PLPPR1: variants seen among roughly 807,000 people sequenced by gnomAD.
PLPPR1 encodes the protein phospholipid phosphatase related 1.
Under a neutral mutation model 33.1 loss-of-function variants are expected in PLPPR1, and 10 were observed. The ratio of observed to expected loss-of-function variants is 0.30; its 90% CI spans 0.19 to 0.51. The LOEUF (loss-of-function observed/expected upper bound fraction) is 0.51, where lower values mean the gene tolerates loss of function less well. PLPPR1 is among the 20% of genes least tolerant of loss of function. The pLI, the probability that PLPPR1 is intolerant of heterozygous loss-of-function variation, is 0.97. For missense variants in PLPPR1, 304 were observed against 408.1 expected (o/e 0.74, Z 2.20); for synonymous variants, 151 against 151.0 (o/e 1.00, Z 0.00).
chr9:101,030,791 T>G (rs1016274441), intron 1 of PLPPR1, among the ~76,000 whole-genome samples: 10 of 151,992 alleles, frequency 6.6e-5, no homozygotes, highest in African/African-American at 2.4e-4. Flanking sequence ...CTCTGCTGCT[T>G]GGGATGGGGA....
intron 1 of PLPPR1, among the ~76,000 whole-genome samples, chr9:101,091,250 CCCT>C (rs1830738006): frequency 6.6e-6 from 1 of 151,984 alleles, no homozygotes; most frequent in African/African-American, 2.4e-5. Flanking sequence ...CATCCTCAAT[CCCT>C]CCTCTCTCTC....
At chr9:101,217,550 C>T (rs1178489395) in intron 2 of PLPPR1, among the ~76,000 whole-genome samples, 6 of 152,170 alleles carry the variant, frequency 3.9e-5, no homozygotes, top group Non-Finnish European at 8.8e-5. Flanking sequence ...TATATAGTCA[C>T]TTCTACCTGT....
chr9:101,139,528 T>G (rs2118628750), intron 1 of PLPPR1, among the ~76,000 whole-genome samples: 1 of 152,318 alleles, frequency 6.6e-6, no homozygotes, highest in Admixed American at 6.5e-5. Context: ...AGATAAATTC[T>G]CATTGAGTAT....
At chr9:101,263,760 A>T (rs778606076) in intron 2 of PLPPR1, among the ~76,000 whole-genome samples, 5 of 152,168 alleles carry the variant, frequency 3.3e-5, no homozygotes, top group Admixed American at 6.5e-5. Context: ...TGTTTCCTCA[A>T]ATGTAAAATG....
At chr9:101,310,412 A>G (rs569012532) in intron 5 of PLPPR1, among the ~76,000 whole-genome samples, 7 of 152,194 alleles carry the variant, frequency 4.6e-5, no homozygotes, top group Non-Finnish European at 8.8e-5. Context: ...TTCTCAATGG[A>G]AAGTGTGGGA....
intron 1 of PLPPR1, among the ~76,000 whole-genome samples, chr9:101,164,550 T>G (rs895650302): frequency 2.0e-5 from 3 of 151,976 alleles, no homozygotes; most frequent in African/African-American, 7.2e-5. Flanking sequence ...GTATTTTTAG[T>G]AGAGACAGGG....
intron 2 of PLPPR1, among the ~76,000 whole-genome samples, chr9:101,259,844 T>C (rs1337030017): frequency 1.3e-5 from 2 of 152,142 alleles, no homozygotes; most frequent in Non-Finnish European, 2.9e-5. Flanking sequence ...GAGTTTCTGG[T>C]TAGCCTTTCC....
At chr9:101,185,670 A>G in intron 2 of PLPPR1, 113 bp downstream of exon 2, 1 of 631,298 alleles carries the variant, frequency 1.6e-6, no homozygotes, top group Non-Finnish European at 2.7e-6. Context: ...GTCAATTTTG[A>G]TAGCACAAAT....
chr9:101,268,864 T>TA (rs750280321), intron 2 of PLPPR1, among the ~76,000 whole-genome samples: 11 of 152,226 alleles, frequency 7.2e-5, no homozygotes, highest in Non-Finnish European at 1.0e-4. Context: ...CCTGTTTTGT[T>TA]AATGCTCAAT....
At chr9:101,039,034 C>T (rs541666138) in intron 1 of PLPPR1, among the ~76,000 whole-genome samples, 1 of 152,216 alleles carries the variant, frequency 6.6e-6, no homozygotes, top group East Asian at 1.9e-4. Context: ...GGAATGAATT[C>T]CAAGATAAAT....
At chr9:101,111,805 A>G (rs1020608890) in intron 1 of PLPPR1, among the ~76,000 whole-genome samples, 2 of 152,128 alleles carry the variant, frequency 1.3e-5, no homozygotes, top group African/African-American at 2.4e-5. Flanking sequence ...GCTTGACCCA[A>G]TTGAATCATA....
intron 1 of PLPPR1, among the ~76,000 whole-genome samples, chr9:101,052,689 T>A (rs971205503): frequency 9.2e-5 from 14 of 152,162 alleles, no homozygotes; most frequent in African/African-American, 3.4e-4. Flanking sequence ...AACTTTTGTA[T>A]CCTCTGCTTA....
chr9:101,099,158 G>A (rs112601712), intron 1 of PLPPR1, among the ~76,000 whole-genome samples: 32 of 152,150 alleles, frequency 2.1e-4, no homozygotes, highest in Middle Eastern at 3.4e-3. Flanking sequence ...AATATTTAAA[G>A]AGACAAGCCA....
intron 1 of PLPPR1, among the ~76,000 whole-genome samples, chr9:101,154,407 G>T (rs918367111): frequency 2.6e-5 from 4 of 152,124 alleles, no homozygotes; most frequent in African/African-American, 9.7e-5. Flanking sequence ...GGTCTTTTCA[G>T]GGATTCAGCT....
At chr9:101,197,950 T>G (rs1826428376) in intron 2 of PLPPR1, among the ~76,000 whole-genome samples, 1 of 152,168 alleles carries the variant, frequency 6.6e-6, no homozygotes, top group Admixed American at 6.5e-5. Context: ...TACAAGACAT[T>G]CTATGTGGTT....
At chr9:101,152,988 G>T (rs1037072780) in intron 1 of PLPPR1, among the ~76,000 whole-genome samples, 25 of 152,188 alleles carry the variant, frequency 1.6e-4, no homozygotes, top group African/African-American at 6.0e-4. Context: ...ATTACTTTGG[G>T]CAGAATGGCC....
At chr9:101,278,978 GA>G (rs1475853179) in intron 3 of PLPPR1, among the ~76,000 whole-genome samples, 2 of 152,154 alleles carry the variant, frequency 1.3e-5, no homozygotes, top group African/African-American at 2.4e-5. Context: ...GCAAAGACTG[GA>G]ATAAGTACCT....
intron 1 of PLPPR1, among the ~76,000 whole-genome samples, chr9:101,112,711 C>G (rs914773644): frequency 1.3e-5 from 2 of 152,318 alleles, no homozygotes; most frequent in East Asian, 3.9e-4. Flanking sequence ...GAGAGTGCAC[C>G]TTTCATTCCT....
At chr9:101,313,878 G>T (rs963212851) in intron 6 of PLPPR1, among the ~76,000 whole-genome samples, 4 of 151,950 alleles carry the variant, frequency 2.6e-5, no homozygotes, top group African/African-American at 9.7e-5. Context: ...ATATTAGTTT[G>T]CCTTTTCTAC....
Sources: gnomAD v4.1 joint callset for allele counts (sites outside exome capture counted in the v4.1 genomes callset) on GRCh38, gnomAD v4.1.1 for gene constraint, MANE v1.5 for transcripts, NCBI Gene and HGNC (gene_info 2026-07-23, HGNC 2026-07-21) for gene names.